Variants in SYBU observed in about 807,000 individuals in gnomAD.
SYBU encodes the protein GOLSYN A protein.
SYBU carries 21 observed loss-of-function variants against 35.9 expected under a neutral mutation model. The ratio of observed to expected loss-of-function variants is 0.58; its 90% CI spans 0.41 to 0.84. SYBU has a LOEUF of 0.84. Among genes scored for constraint, SYBU ranks in the 40% least tolerant of loss-of-function variants. SYBU has a pLI of 0.00. For missense variants in SYBU, 768 were observed against 848.2 expected (o/e 0.91, Z 1.17); for synonymous variants, 319 against 324.3 (o/e 0.98, Z 0.18).
upstream of SYBU, among the ~76,000 whole-genome samples, chr8:109,683,600 G>T (rs1817454290): frequency 6.6e-6 from 1 of 152,124 alleles, no homozygotes; most frequent in Admixed American, 6.5e-5. Context: ...TTGGGTTAAT[G>T]CTGGAATGAG....
chr8:109,632,247 G>A (rs903593126), intron 2 of SYBU, among the ~76,000 whole-genome samples: 11 of 152,060 alleles, frequency 7.2e-5, no homozygotes, highest in Non-Finnish European at 1.6e-4. Context: ...TGTCCTGTTG[G>A]CCAGGCTGGT....
At chr8:109,663,772 A>G in intron 1 of SYBU, among the ~76,000 whole-genome samples, 1 of 152,114 alleles carries the variant, frequency 6.6e-6, no homozygotes, top group East Asian at 1.9e-4. Context: ...CCCACAAAAA[A>G]CATGCCAGTG....
At chr8:109,594,047 A>G (rs1824585636) in intron 3 of SYBU, among the ~76,000 whole-genome samples, 1 of 152,228 alleles carries the variant, frequency 6.6e-6, no homozygotes, top group African/African-American at 2.4e-5. Context: ...ACTAGCTGGA[A>G]AGCCTGCTGC....
intron 3 of SYBU, among the ~76,000 whole-genome samples, chr8:109,614,707 C>A (rs1438202208): frequency 1.3e-5 from 2 of 152,210 alleles, no homozygotes; most frequent in African/African-American, 2.4e-5. Context: ...TTCAGCCTTG[C>A]GTGTTTTGCA....
chr8:109,606,291 G>A (rs1047839364), intron 3 of SYBU, among the ~76,000 whole-genome samples: 7 of 152,102 alleles, frequency 4.6e-5, no homozygotes, highest in East Asian at 1.9e-4. Flanking sequence ...TGATGATAAC[G>A]TTTATAGTAA....
At chr8:109,611,285 A>C (rs756283979) in intron 3 of SYBU, among the ~76,000 whole-genome samples, 4 of 152,170 alleles carry the variant, frequency 2.6e-5, no homozygotes, top group Non-Finnish European at 4.4e-5. Context: ...CAGGATTTGG[A>C]TGGCAATTAC....
chr8:109,685,237 C>G (rs773198254), upstream of SYBU, among the ~76,000 whole-genome samples: 1 of 152,130 alleles, frequency 6.6e-6, no homozygotes, highest in Non-Finnish European at 1.5e-5. Context: ...TTAATATACA[C>G]GAAAACATGT....
intron 1 of SYBU, among the ~76,000 whole-genome samples, chr8:109,657,473 G>C (rs140867300): frequency 6.6e-6 from 1 of 152,300 alleles, no homozygotes; most frequent in East Asian, 1.9e-4. Context: ...GCTGACAGCA[G>C]GTCTGTAGTT....
chr8:109,578,687 C>G (rs978812142), intron 5 of SYBU, among the ~76,000 whole-genome samples: 10 of 152,160 alleles, frequency 6.6e-5, no homozygotes, highest in African/African-American at 2.4e-4. Context: ...GTCCAGGTGC[C>G]TGAGCTGTCA....
At chr8:109,652,679 C>T (rs1461577447) in intron 1 of SYBU, among the ~76,000 whole-genome samples, 1 of 152,070 alleles carries the variant, frequency 6.6e-6, no homozygotes, top group South Asian at 2.1e-4. Context: ...TGGCCTGAAA[C>T]GTAATAAGGG....
At chr8:109,595,042 C>T (rs2129922119) in intron 3 of SYBU, among the ~76,000 whole-genome samples, 1 of 152,044 alleles carries the variant, frequency 6.6e-6, no homozygotes, top group African/African-American at 2.4e-5. Flanking sequence ...ATATGTAAAA[C>T]ATGTAAAAAT....
intron 2 of SYBU, among the ~76,000 whole-genome samples, chr8:109,628,657 C>T (rs1049097449): frequency 5.3e-5 from 8 of 151,964 alleles, no homozygotes; most frequent in African/African-American, 1.9e-4. Context: ...ACCCTCATAT[C>T]TACAAAAAGA....
chr8:109,582,945 C>G (rs1823209971), intron 4 of SYBU, among the ~76,000 whole-genome samples: 1 of 152,182 alleles, frequency 6.6e-6, no homozygotes, highest in African/African-American at 2.4e-5. Context: ...GCCAACCCTG[C>G]AGACATCTTG....
At chr8:109,641,727 AT>A (rs1814903965) in intron 2 of SYBU, among the ~76,000 whole-genome samples, 1 of 152,208 alleles carries the variant, frequency 6.6e-6, no homozygotes. Context: ...TCAATCCAAT[AT>A]TTTTTCTACA....
At chr8:109,634,629 G>A (rs1778052092) in intron 2 of SYBU, among the ~76,000 whole-genome samples, 1 of 152,156 alleles carries the variant, frequency 6.6e-6, no homozygotes, top group Non-Finnish European at 1.5e-5. Context: ...GGGGAATCAG[G>A]TAACCAAATA....
chr8:109,576,136 C>T, intron 6 of SYBU, 123 bp from the exon 7 acceptor site: 1 of 1,198,904 alleles, frequency 8.3e-7, no homozygotes, highest in Non-Finnish European at 1.1e-6. Context: ...TACTCTTCCA[C>T]TTGAAATACA....
upstream of SYBU, among the ~76,000 whole-genome samples, chr8:109,683,848 A>G (rs1817460398): frequency 6.6e-6 from 1 of 152,176 alleles, no homozygotes; most frequent in Non-Finnish European, 1.5e-5. Flanking sequence ...GTGTGTTCTC[A>G]CAAGATCTGA....
intron 1 of SYBU, among the ~76,000 whole-genome samples, chr8:109,688,349 A>G (rs13254913): frequency 0.088 from 13,472 of 152,256 alleles, 675 homozygotes; most frequent in East Asian, 0.12. Context: ...AGTACTGGAA[A>G]TACAAAACAT....
At chr8:109,657,704 G>T (rs1207644055) in intron 1 of SYBU, among the ~76,000 whole-genome samples, 1 of 152,152 alleles carries the variant, frequency 6.6e-6, no homozygotes, top group African/African-American at 2.4e-5. Flanking sequence ...AGAGCTGTGT[G>T]AGGCTTTTCA....
Sources: gnomAD v4.1 joint callset for allele counts (sites outside exome capture counted in the v4.1 genomes callset) on GRCh38, gnomAD v4.1.1 for gene constraint, MANE v1.5 for transcripts, NCBI Gene and HGNC (gene_info 2026-07-23, HGNC 2026-07-21) for gene names.